TENM3: variants seen among roughly 807,000 people sequenced by gnomAD.
TENM3 encodes teneurin transmembrane protein 3, also known as teneurin-3.
Under a neutral mutation model 255.1 loss-of-function variants are expected in TENM3, and 63 were observed. The ratio of observed to expected loss-of-function variants is 0.25; its 90% CI spans 0.20 to 0.30. TENM3 has a LOEUF of 0.30. TENM3 is among the 10% of genes least tolerant of loss of function. The probability of loss-of-function intolerance (pLI) is 1.00; values close to 1 mark genes in which losing one functional copy is unlikely to be tolerated. For missense variants in TENM3, 2,929 were observed against 3,461.1 expected, an observed-to-expected ratio of 0.85 and a Z score of 3.86; for synonymous variants, 1,306 against 1,322.3, an observed-to-expected ratio of 0.99 and a Z score of 0.27.
At chr4:182,043,265 C>A in the TENM3 span, among the ~76,000 whole-genome samples, 1 of 152,180 alleles carries the variant, frequency 6.6e-6, no homozygotes, top group South Asian at 2.1e-4. Flanking sequence ...TACAGGGTAT[C>A]TGTCTTCCGT....
intron 2 of TENM3, among the ~76,000 whole-genome samples, chr4:182,339,039 G>A (rs982882532): frequency 6.6e-6 from 1 of 152,090 alleles, no homozygotes; most frequent in Non-Finnish European, 1.5e-5. Flanking sequence ...TTTCCCCAGT[G>A]TTCCCCCTCA....
At chr4:182,091,248 C>T in the TENM3 span, among the ~76,000 whole-genome samples, 1 of 152,166 alleles carries the variant, frequency 6.6e-6, no homozygotes, top group African/African-American at 2.4e-5. Context: ...CAAAAGATAA[C>T]TAGAGCTTGC....
chr4:182,731,694 G>GGTGTGTGT lies in TENM3; in HGVS notation c.2967+592_2967+599dup, dbSNP rs70956536. Among the ~76,000 whole-genome samples the GGTGTGTGT allele has an allele frequency of 1.4e-3, 175 of 124,760 alleles. 1 individual carries two copies. Among genetic ancestry groups the GGTGTGTGT allele is most frequent in the Non-Finnish European group, 2.2e-3 (129 of 57,792 alleles). The allele number at this position is 124,760 out of a possible 152,430, so 81.8% of individuals were successfully genotyped here. ...AGAATGAATATATAGTGGGTGTTGGGGTGTGTGTGTGTGTGTGTGTGTGTG... is the reference window on the plus strand; with the variant it reads ...AGAATGAATATATAGTGGGTGTTGGGGTGTGTGTGTGTGTGTGTGTGTGTGTGTGTGTG... On this transcript the variant is annotated intron_variant, in intron 16 of 27. Coordinates refer to ENST00000511685, the MANE Select transcript of TENM3 (RefSeq NM_001080477.4).
intron 1 of TENM3, among the ~76,000 whole-genome samples, chr4:182,302,892 A>G (rs1761928982): frequency 1.3e-5 from 2 of 152,176 alleles, no homozygotes; most frequent in South Asian, 4.1e-4. Context: ...CACTTTGACT[A>G]ATGGAAGATC....
the TENM3 span, among the ~76,000 whole-genome samples, chr4:181,622,002 T>TA: frequency 1.3e-5 from 2 of 152,174 alleles, no homozygotes; most frequent in African/African-American, 4.8e-5. Context: ...CGGTAAAATC[T>TA]AAAAAACCAA....
intron 3 of TENM3, among the ~76,000 whole-genome samples, chr4:182,428,969 G>C (rs1771430489): frequency 6.6e-6 from 1 of 152,064 alleles, no homozygotes; most frequent in Non-Finnish European, 1.5e-5. Flanking sequence ...TGACATACAG[G>C]GGGAAAGGTC....
chr4:181,995,177 C>G, the TENM3 span, among the ~76,000 whole-genome samples: 1 of 151,994 alleles, frequency 6.6e-6, no homozygotes, highest in African/African-American at 2.4e-5. Context: ...GTAATCCCAG[C>G]TACTTGGGAG....
intron 1 of TENM3, among the ~76,000 whole-genome samples, chr4:182,301,165 A>C (rs1761830431): frequency 6.6e-6 from 1 of 152,160 alleles, no homozygotes; most frequent in African/African-American, 2.4e-5. Flanking sequence ...ACTTTCATAA[A>C]AATTCTTTAC....
chr4:182,025,020 A>ATTTTTTTTTTTT, the TENM3 span, among the ~76,000 whole-genome samples: 189 of 121,096 alleles, frequency 1.6e-3, 3 homozygotes, highest in African/African-American at 6.0e-3. Context: ...ACAGGATTTC[A>ATTTTTTTTTTTT]TTTTTTTTTT....
the TENM3 span, among the ~76,000 whole-genome samples, chr4:181,555,624 C>T: frequency 7.9e-5 from 12 of 152,108 alleles, no homozygotes; most frequent in African/African-American, 1.2e-4. Context: ...GCCTCAATTA[C>T]GAGATACAGA....
intron 6 of TENM3, among the ~76,000 whole-genome samples, chr4:182,660,872 C>T (rs1318926509): frequency 3.3e-5 from 5 of 152,102 alleles, no homozygotes; most frequent in Admixed American, 2.6e-4. Context: ...GGGAATCGAG[C>T]GAGTTATTAC....
the TENM3 span, among the ~76,000 whole-genome samples, chr4:181,914,353 C>T: frequency 6.6e-6 from 1 of 152,194 alleles, no homozygotes; most frequent in Non-Finnish European, 1.5e-5. Context: ...GGTATCTCCT[C>T]CTGTGTGAGG....
chr4:181,477,585 CA>C, the TENM3 span, among the ~76,000 whole-genome samples: 273 of 152,268 alleles, frequency 1.8e-3, no homozygotes, highest in African/African-American at 6.3e-3. Flanking sequence ...TATTCGAGGT[CA>C]CCCAATATAT....
chr4:182,722,796 A>C (rs945094187), intron 13 of TENM3, among the ~76,000 whole-genome samples: 3 of 152,206 alleles, frequency 2.0e-5, no homozygotes, highest in African/African-American at 7.2e-5. Flanking sequence ...AGAATTTGTC[A>C]AGAGAGGACC....
intron 1 of TENM3, among the ~76,000 whole-genome samples, chr4:182,210,164 C>T (rs1234536506): frequency 2.0e-5 from 3 of 152,186 alleles, no homozygotes; most frequent in South Asian, 2.1e-4. Flanking sequence ...CTCACACCCT[C>T]GGGCGGATGG....
At chr4:181,534,353 T>C in the TENM3 span, among the ~76,000 whole-genome samples, 1 of 152,118 alleles carries the variant, frequency 6.6e-6, no homozygotes, top group Non-Finnish European at 1.5e-5. Flanking sequence ...TCAAATACAT[T>C]TACCAGCCAA....
chr4:181,825,243 A>G, the TENM3 span, among the ~76,000 whole-genome samples: 4 of 152,160 alleles, frequency 2.6e-5, no homozygotes, highest in East Asian at 1.9e-4. Context: ...TCTACTAAAA[A>G]TACAAAAATT....
the TENM3 span, among the ~76,000 whole-genome samples, chr4:182,098,955 CT>C: frequency 2.2e-5 from 3 of 133,828 alleles, no homozygotes; most frequent in Non-Finnish European, 3.1e-5. Context: ...GTGCACAACT[CT>C]TTTTTTCTTT....
intron 6 of TENM3, among the ~76,000 whole-genome samples, chr4:182,668,937 A>G (rs1422343313): frequency 6.6e-6 from 1 of 152,236 alleles, no homozygotes; most frequent in African/African-American, 2.4e-5. Flanking sequence ...GTATGCTATT[A>G]AAACTCAGAA....
Sources: gnomAD v4.1 joint callset for allele counts (sites outside exome capture counted in the v4.1 genomes callset) on GRCh38, gnomAD v4.1.1 for gene constraint, MANE v1.5 for transcripts, NCBI Gene and HGNC (gene_info 2026-07-23, HGNC 2026-07-21) for gene names.